ORC3: variants seen among roughly 807,000 people sequenced by gnomAD.
ORC3 encodes origin recognition complex subunit 3.
Under a neutral mutation model 100.7 loss-of-function variants are expected in ORC3, and 78 were observed. That is an observed-to-expected ratio of 0.77 (90% CI 0.65 to 0.94). ORC3 has a LOEUF of 0.94. Among genes scored for constraint, ORC3 ranks in the 40% least tolerant of loss-of-function variants. The pLI is 0.00. For missense variants in ORC3, 789 were observed against 823.9 expected (o/e 0.96, Z 0.52); for synonymous variants, 295 against 289.3 (o/e 1.02, Z -0.20).
chr6:87,651,935 G>T (rs1769301910), intron 13 of ORC3, among the ~76,000 whole-genome samples: 1 of 145,456 alleles, frequency 6.9e-6, no homozygotes, highest in Non-Finnish European at 1.5e-5. Context: ...GTCTCACTCT[G>T]TTGCCCAGGC....
chr6:87,596,683 A>T (rs1777471705), intron 2 of ORC3, among the ~76,000 whole-genome samples: 1 of 152,150 alleles, frequency 6.6e-6, no homozygotes, highest in South Asian at 2.1e-4. Context: ...ATAAAAAAAG[A>T]TACTGTCTTC....
At chr6:87,626,067 C>T (rs556927850) in intron 11 of ORC3, among the ~76,000 whole-genome samples, 1 of 152,158 alleles carries the variant, frequency 6.6e-6, no homozygotes, top group African/African-American at 2.4e-5. Context: ...GTACCAGTAC[C>T]ATGCTGTTTT....
At chr6:87,655,642 CTCA>C (rs1562378497) in intron 14 of ORC3, among the ~76,000 whole-genome samples, 1 of 151,406 alleles carries the variant, frequency 6.6e-6, no homozygotes, top group Non-Finnish European at 1.5e-5. Context: ...CATAAGCCCC[CTCA>C]TCAGCCTAAT....
chr6:87,650,841 C>T, intron 13 of ORC3: 1 of 251,942 alleles, frequency 4.0e-6, no homozygotes, highest in Non-Finnish European at 8.0e-6. Flanking sequence ...AACCCTGCCT[C>T]TACTAAAAAT....
chr6:87,603,566 T>A lies in ORC3; in HGVS notation c.322+38T>A, dbSNP rs369659876. ...ATGTTTGTTCATGCATGCATCTCTG[T>A]GTATTTCGTTTTTAAATTTTTTTTT... On this transcript the variant is annotated intron_variant, in intron 4 of 19. Coordinates refer to ENST00000392844, the MANE Select transcript of ORC3 (RefSeq NM_012381.4). 3.0e-5 allele frequency: 41 copies of A among 1,357,644 alleles called. No homozygotes were observed. The African/African-American group carries it at 5.6e-4, about 19-fold the overall frequency. 84.1% of individuals were successfully genotyped at this position (1,357,644 alleles called of 1,614,324 possible).
intron 13 of ORC3, among the ~76,000 whole-genome samples, chr6:87,640,852 C>T (rs1014157086): frequency 5.9e-5 from 9 of 152,254 alleles, no homozygotes; most frequent in South Asian, 2.1e-4. Context: ...GTAATCCCAA[C>T]GCTTTGGGAG....
chr6:87,657,015 C>G, intron 15 of ORC3, 33 bp downstream of exon 15: 1 of 1,338,486 alleles, frequency 7.5e-7, no homozygotes, highest in Admixed American at 1.7e-5. Flanking sequence ...CAGCTGCATC[C>G]TGTGACACTC....
At chr6:87,596,740 A>G (rs1016889553) in intron 2 of ORC3, among the ~76,000 whole-genome samples, 6 of 152,336 alleles carry the variant, frequency 3.9e-5, no homozygotes, top group Admixed American at 1.3e-4. Context: ...TCAAATTAAG[A>G]AGACTTGACT....
At chr6:87,600,080 C>T (rs62417702) in intron 2 of ORC3, among the ~76,000 whole-genome samples, 139 of 152,220 alleles carry the variant, frequency 9.1e-4, no homozygotes, top group Non-Finnish European at 1.7e-3. Flanking sequence ...TCAATGTATT[C>T]CAAGGCTTTT....
In ORC3 at chr6:87,601,785, G is replaced by A. The variant is rs996140491; in HGVS notation, c.81G>A (p.Glu27=). 1 of 1,564,426 alleles carries A rather than the reference G, an allele frequency of 6.4e-7. No individual in the cohort carries two copies. The highest frequency in any genetic ancestry group is 1.4e-5 in the African/African-American group (1 of 73,848). ...TGACTTATTTCTTTCTGTTTTTAGAGGACTATTTTAACAAAGGGAAAAATG... is the reference window on the plus strand; with the variant it reads ...TGACTTATTTCTTTCTGTTTTTAGAAGACTATTTTAACAAAGGGAAAAATG... ...SKKRKISLPI[E]DYFNKGKNEP... Residue 27 remains glutamate (E), a splice_region_variant and synonymous_variant, in exon 3 of 20, where the codon GAG becomes GAA. Coordinates refer to ENST00000392844, the MANE Select transcript of ORC3 (RefSeq NM_012381.4).
chr6:87,605,405 C>T (rs538583882), intron 4 of ORC3, among the ~76,000 whole-genome samples: 3 of 152,210 alleles, frequency 2.0e-5, no homozygotes, highest in Non-Finnish European at 2.9e-5. Flanking sequence ...AATCCCAGCA[C>T]GTTGGGAGGC....
At chr6:87,616,886 C>T (rs1361243912) in intron 9 of ORC3, among the ~76,000 whole-genome samples, 1 of 151,880 alleles carries the variant, frequency 6.6e-6, no homozygotes, top group Non-Finnish European at 1.5e-5. Context: ...CTGCAACCTT[C>T]GCCTCCCGGG....
At chr6:87,675,256 T>C in the ORC3 span, 16 of 308,612 alleles carry the variant, frequency 5.2e-5, no homozygotes, top group East Asian at 9.2e-4. Flanking sequence ...TCATCTGAAG[T>C]GTCATTCTAC....
chr6:87,675,818 A>G, the ORC3 span: 1 of 1,561,530 alleles, frequency 6.4e-7, no homozygotes, highest in Non-Finnish European at 8.8e-7. Context: ...CTTAAAAGAC[A>G]GTCTTATTTT....
chr6:87,671,800 G>A (rs1332683070), downstream of ORC3, among the ~76,000 whole-genome samples: 1 of 152,090 alleles, frequency 6.6e-6, no homozygotes, highest in African/African-American at 2.4e-5. Context: ...GAGAGGAGAC[G>A]AACTCTAATC....
At chr6:87,638,682 C>T (rs1237356685) in intron 13 of ORC3, among the ~76,000 whole-genome samples, 1 of 152,090 alleles carries the variant, frequency 6.6e-6, no homozygotes, top group African/African-American at 2.4e-5. Flanking sequence ...TGGAAAATTC[C>T]ACACCTGACC....
At chr6:87,653,341 A>T in intron 14 of ORC3, 92 bp downstream of exon 14, 1 of 1,163,060 alleles carries the variant, frequency 8.6e-7, no homozygotes, top group Non-Finnish European at 1.2e-6. Flanking sequence ...GTGCTTAGAG[A>T]TAAAGAGATA....
At position 87,640,413 on chromosome 6, in the gene ORC3, A is replaced by T. The variant is rs1029343377; in HGVS notation, c.1382+3927A>T. On this transcript the variant is annotated intron_variant, in intron 13 of 19. Transcript: ENST00000392844. ...GGGAGCATGCAAGTGTTCATTTATAATATATGCCATTATTTGACATGAGCT... is the reference window on the plus strand; with the variant it reads ...GGGAGCATGCAAGTGTTCATTTATATTATATGCCATTATTTGACATGAGCT... 5.7e-4 allele frequency among the ~76,000 whole-genome samples: 87 copies of T among 152,216 alleles called. 1 individual carries two copies. Among genetic ancestry groups the T allele is most frequent in the African/African-American group, 1.9e-3 (79 of 41,460 alleles).
At chr6:87,602,972 C>CACATATATAATATATATATATAT (rs1398124278) in intron 3 of ORC3, among the ~76,000 whole-genome samples, 1 of 62,876 alleles carries the variant, frequency 1.6e-5, no homozygotes, top group Non-Finnish European at 3.2e-5. Flanking sequence ...TATATATATA[C>CACATATATAATATATATATATAT]ATATATATAT....
Sources: gnomAD v4.1 joint callset for allele counts (sites outside exome capture counted in the v4.1 genomes callset) on GRCh38, gnomAD v4.1.1 for gene constraint, MANE v1.5 for transcripts, NCBI Gene and HGNC (gene_info 2026-07-23, HGNC 2026-07-21) for gene names.